The following BCL2L13 variants were observed in gnomAD, a reference collection of about 807,000 sequenced individuals.
The protein encoded by BCL2L13 is BCL2 like 13.
In BCL2L13, 13 loss-of-function variants were observed where a neutral mutation model predicts 25.8. That is an observed-to-expected ratio of 0.50 (90% CI 0.33 to 0.80). The LOEUF (loss-of-function observed/expected upper bound fraction) is 0.80. Ranked by LOEUF, BCL2L13 falls within the 30% of genes least tolerant of loss-of-function variation. BCL2L13 has a pLI of 0.02. For synonymous variants in BCL2L13, 244 were observed against 230.3 expected (o/e 1.06, Z -0.54); for missense variants, 504 against 574.9 (o/e 0.88, Z 1.26).
chr22:17,706,565 A>G (rs2060597036), intron 6 of BCL2L13: 2 of 702,988 alleles, frequency 2.8e-6, no homozygotes, highest in African/African-American at 3.7e-5. Flanking sequence ...ACACTTTTAC[A>G]AATGCCAGGT....
chr22:17,664,297 T>C (rs981686972), intron 2 of BCL2L13, among the ~76,000 whole-genome samples: 1 of 152,230 alleles, frequency 6.6e-6, no homozygotes, highest in African/African-American at 2.4e-5. Context: ...CAGTCAAATC[T>C]TAAAGCTCCA....
At chr22:17,649,348 C>T (rs564374936) in intron 1 of BCL2L13, among the ~76,000 whole-genome samples, 4 of 152,256 alleles carry the variant, frequency 2.6e-5, no homozygotes, top group Admixed American at 6.5e-5. Context: ...CCGCCTGCCT[C>T]GGCCTCCCAA....
chr22:17,704,699 T>C (rs930901604), intron 6 of BCL2L13, among the ~76,000 whole-genome samples: 1 of 152,106 alleles, frequency 6.6e-6, no homozygotes, highest in Non-Finnish European at 1.5e-5. Context: ...AGTTAAAGTA[T>C]TTTAAAAATT....
chr22:17,643,718 C>T (rs565380905), intron 1 of BCL2L13, among the ~76,000 whole-genome samples: 1 of 152,050 alleles, frequency 6.6e-6, no homozygotes, highest in Non-Finnish European at 1.5e-5. Context: ...CGCCCCGCCT[C>T]CTGGGTTCAT....
chr22:17,656,522 A>G (rs982613305), intron 2 of BCL2L13, among the ~76,000 whole-genome samples: 3 of 149,756 alleles, frequency 2.0e-5, no homozygotes, highest in African/African-American at 7.4e-5. Flanking sequence ...TAATTTTTGT[A>G]TTTTTAGTAG....
intron 1 of BCL2L13, among the ~76,000 whole-genome samples, chr22:17,630,008 C>T (rs2057972607): frequency 6.6e-6 from 1 of 151,932 alleles, no homozygotes; most frequent in African/African-American, 2.4e-5. Flanking sequence ...CACCTGAGGT[C>T]GGGATTTCGA....
At chr22:17,673,724 A>C (rs886527260) in intron 2 of BCL2L13, among the ~76,000 whole-genome samples, 3 of 152,018 alleles carry the variant, frequency 2.0e-5, no homozygotes, top group Admixed American at 1.3e-4. Flanking sequence ...AAATATACTG[A>C]TAACTTTGTA....
intron 5 of BCL2L13, among the ~76,000 whole-genome samples, 185 bp downstream of exon 5, chr22:17,696,395 C>T (rs1200757171): frequency 6.6e-6 from 1 of 152,122 alleles, no homozygotes; most frequent in East Asian, 1.9e-4. Flanking sequence ...CTGCTTGGCT[C>T]AAAATTATGT....
At chr22:17,629,575 A>ACTTTTG (rs1263660271) in intron 1 of BCL2L13, among the ~76,000 whole-genome samples, 28 of 152,310 alleles carry the variant, frequency 1.8e-4, no homozygotes, top group South Asian at 8.3e-4. Context: ...TCCCAAAGGC[A>ACTTTTG]AAAACTTTTG....
At chr22:17,688,321 G>A (rs1043706057) in intron 3 of BCL2L13, among the ~76,000 whole-genome samples, 3 of 152,148 alleles carry the variant, frequency 2.0e-5, no homozygotes, top group African/African-American at 7.2e-5. Context: ...TTATCCATGT[G>A]TAGTAATATT....
At chr22:17,685,760 C>CTTTCTTT (rs2059911689) in intron 3 of BCL2L13, among the ~76,000 whole-genome samples, 1 of 60,520 alleles carries the variant, frequency 1.7e-5, no homozygotes, top group Non-Finnish European at 3.0e-5. Flanking sequence ...TTTTCTTTTT[C>CTTTCTTT]TTTTTTTTTT....
chr22:17,670,519 C>T (rs1320681048), intron 2 of BCL2L13, among the ~76,000 whole-genome samples: 3 of 151,972 alleles, frequency 2.0e-5, no homozygotes, highest in Non-Finnish European at 4.4e-5. Flanking sequence ...GGATTACAGG[C>T]ATGCGCCATC....
chr22:17,660,376 A>G lies in BCL2L13; in HGVS notation c.121+4544A>G, dbSNP rs549452241. On this transcript the variant is annotated intron_variant, in intron 2 of 6. Transcript: ENST00000317582. Reference sequence around the variant, plus strand: ...GTTGAGGAACTTATTTTTGGAATGTATTTTTATAAATTGATCAGATTGGTT... The same window carrying G: ...GTTGAGGAACTTATTTTTGGAATGTGTTTTTATAAATTGATCAGATTGGTT... Among the ~76,000 whole-genome samples, 115 of 146,208 alleles carry G rather than the reference A, an allele frequency of 7.9e-4. 13 individuals carry two copies. The highest frequency in any genetic ancestry group is 1.4e-3 in the Non-Finnish European group (88 of 64,270).
chr22:17,687,669 A>T (rs1258228961), intron 3 of BCL2L13, among the ~76,000 whole-genome samples: 1 of 152,132 alleles, frequency 6.6e-6, no homozygotes, highest in Non-Finnish European at 1.5e-5. Context: ...GGCGCCCGCC[A>T]CCAGGCCCAG....
At chr22:17,630,212 C>T (rs1463918072) in intron 1 of BCL2L13, among the ~76,000 whole-genome samples, 7 of 141,294 alleles carry the variant, frequency 5.0e-5, no homozygotes, top group South Asian at 2.2e-4. Context: ...AGTGAGACTC[C>T]GTCTCAAAAA....
At position 17,707,819 on chromosome 22, in the gene BCL2L13, G is replaced by A. The variant is rs1279318665; in HGVS notation, c.600+5433G>A. ...ATAGGAGCTCAGCTCAGCAGCAGCT[G>A]TGTCTCAGAAGGTAAAATATTGCTT... On this transcript the variant is annotated intron_variant, in intron 6 of 6. Transcript: ENST00000317582. Among the ~76,000 whole-genome samples the A allele has an allele frequency of 2.0e-5, 3 of 152,134 alleles. No homozygotes were observed. In the East Asian group the frequency reaches 5.8e-4, roughly 29 times the overall value.
chr22:17,648,206 T>C (rs1454926507), intron 1 of BCL2L13, among the ~76,000 whole-genome samples: 1 of 152,130 alleles, frequency 6.6e-6, no homozygotes, highest in Non-Finnish European at 1.5e-5. Flanking sequence ...GGGTGTCCTC[T>C]CCCATTTTGT....
At chr22:17,713,476 T>TC (rs2060820558) in intron 6 of BCL2L13, among the ~76,000 whole-genome samples, 1 of 150,876 alleles carries the variant, frequency 6.6e-6, no homozygotes. Context: ...TTTTTTTTTT[T>TC]TTGGAGATGG....
At chr22:17,675,660 C>T (rs191179339) in intron 2 of BCL2L13, among the ~76,000 whole-genome samples, 229 of 152,232 alleles carry the variant, frequency 1.5e-3, no homozygotes, top group African/African-American at 5.3e-3. Flanking sequence ...CAGAGATTAC[C>T]TTAGCCTGGA....
Sources: allele counts gnomAD v4.1 joint callset (sites outside exome capture counted in the v4.1 genomes callset), GRCh38; gene constraint gnomAD v4.1.1; transcripts MANE v1.5; gene names NCBI Gene and HGNC (gene_info 2026-07-23, HGNC 2026-07-21).